Variants in HS3ST3A1 observed in about 807,000 individuals in gnomAD.
HS3ST3A1 encodes the protein heparan sulfate glucosamine 3-O-sulfotransferase 3A1.
Under a neutral mutation model 25.7 loss-of-function variants are expected in HS3ST3A1, and 19 were observed. That is an observed-to-expected ratio of 0.74 (90% confidence interval 0.52 to 1.08). The LOEUF (loss-of-function observed/expected upper bound fraction) is 1.08. Ranked by LOEUF, HS3ST3A1 falls within the 50% of genes least tolerant of loss-of-function variation. HS3ST3A1 has a pLI of 0.00. For missense variants in HS3ST3A1, 459 were observed against 594.3 expected, an observed-to-expected ratio of 0.77 and a Z score of 2.37; for synonymous variants, 226 against 278.6, an observed-to-expected ratio of 0.81 and a Z score of 1.88.
intron 1 of HS3ST3A1, among the ~76,000 whole-genome samples, chr17:13,549,314 A>T (rs1907179083): frequency 6.6e-6 from 1 of 152,124 alleles, no homozygotes; most frequent in Non-Finnish European, 1.5e-5. Flanking sequence ...CGAAGGAACA[A>T]ACTCTGGACA....
chr17:13,524,416 C>T (rs982691512), intron 1 of HS3ST3A1, among the ~76,000 whole-genome samples: 2 of 152,104 alleles, frequency 1.3e-5, no homozygotes, highest in African/African-American at 4.8e-5. Flanking sequence ...CACTACCACA[C>T]CCGGCTAATT....
chr17:13,497,693 T>C (rs1905329263), intron 1 of HS3ST3A1, among the ~76,000 whole-genome samples: 1 of 152,252 alleles, frequency 6.6e-6, no homozygotes, highest in Non-Finnish European at 1.5e-5. Flanking sequence ...ATCTATTTGT[T>C]CTTCCAACTT....
chr17:13,574,467 C>G (rs1228632088), intron 1 of HS3ST3A1, among the ~76,000 whole-genome samples: 1 of 151,242 alleles, frequency 6.6e-6, no homozygotes, highest in African/African-American at 2.4e-5. Flanking sequence ...ACCTGTAATC[C>G]CAGCACTTTG....
At chr17:13,529,232 A>G (rs907957449) in intron 1 of HS3ST3A1, among the ~76,000 whole-genome samples, 77 of 152,334 alleles carry the variant, frequency 5.1e-4, no homozygotes, top group African/African-American at 1.7e-3. Context: ...AGTTAAATCA[A>G]TCATATCATA....
intron 1 of HS3ST3A1, among the ~76,000 whole-genome samples, chr17:13,527,557 C>T (rs1012926942): frequency 6.6e-6 from 1 of 152,096 alleles, no homozygotes; most frequent in South Asian, 2.1e-4. Flanking sequence ...GTGAAGCCCC[C>T]CTGCTCCCCA....
At chr17:13,535,021 C>A (rs527684722) in intron 1 of HS3ST3A1, among the ~76,000 whole-genome samples, 2 of 117,424 alleles carry the variant, frequency 1.7e-5, no homozygotes, top group Non-Finnish European at 3.3e-5. Context: ...AGCAAAACTC[C>A]ATCTCAAAAA....
chr17:13,501,712 G>A (rs558028230), intron 1 of HS3ST3A1, among the ~76,000 whole-genome samples: 40 of 152,244 alleles, frequency 2.6e-4, no homozygotes, highest in Admixed American at 2.4e-3. Context: ...TGTCAACATG[G>A]CCATTATTAC....
intron 1 of HS3ST3A1, among the ~76,000 whole-genome samples, chr17:13,509,657 A>C (rs1181778327): frequency 6.6e-6 from 1 of 152,176 alleles, no homozygotes; most frequent in Non-Finnish European, 1.5e-5. Flanking sequence ...GAAGAAAAAA[A>C]GAGAAGAATC....
intron 1 of HS3ST3A1, among the ~76,000 whole-genome samples, chr17:13,587,759 T>C (rs1908315361): frequency 6.6e-6 from 1 of 151,916 alleles, no homozygotes; most frequent in African/African-American, 2.4e-5. Flanking sequence ...ACTACTTTGA[T>C]TGGTGTTTAT....
intron 1 of HS3ST3A1, among the ~76,000 whole-genome samples, chr17:13,590,908 G>A (rs1041204565): frequency 2.8e-5 from 3 of 108,350 alleles, no homozygotes; most frequent in African/African-American, 7.2e-5. Flanking sequence ...GCACTGGATT[G>A]GGGGGGGATC....
intron 1 of HS3ST3A1, among the ~76,000 whole-genome samples, chr17:13,597,145 A>G (rs1039525444): frequency 2.6e-5 from 4 of 152,166 alleles, no homozygotes; most frequent in African/African-American, 9.7e-5. Context: ...TGGATAATAA[A>G]TATTTCCTAT....
chr17:13,532,529 G>A (rs1340844706), intron 1 of HS3ST3A1, among the ~76,000 whole-genome samples: 1 of 152,066 alleles, frequency 6.6e-6, no homozygotes, highest in East Asian at 1.9e-4. Flanking sequence ...GCAATATCGT[G>A]AGGAAATGAG....
intron 1 of HS3ST3A1, among the ~76,000 whole-genome samples, chr17:13,573,729 T>A (rs1598430159): frequency 6.6e-6 from 1 of 152,236 alleles, no homozygotes; most frequent in East Asian, 1.9e-4. Flanking sequence ...CTCCCCCAAA[T>A]TCATATGTTG....
intron 1 of HS3ST3A1, among the ~76,000 whole-genome samples, chr17:13,552,077 A>AT (rs11424342): frequency 0.44 from 66,823 of 151,732 alleles, 15,023 homozygotes; most frequent in Middle Eastern, 0.52. Context: ...TGAACACTTT[A>AT]TTTTTTTATT....
At chr17:13,563,266 A>T (rs1026571460) in intron 1 of HS3ST3A1, among the ~76,000 whole-genome samples, 3 of 151,988 alleles carry the variant, frequency 2.0e-5, no homozygotes, top group African/African-American at 7.2e-5. Flanking sequence ...CAGGGTATGG[A>T]AAGAAACTGA....
At chr17:13,583,797 G>C (rs9674441) in intron 1 of HS3ST3A1, among the ~76,000 whole-genome samples, 70,471 of 151,792 alleles carry the variant, frequency 0.46, 17,161 homozygotes, top group East Asian at 0.67. Flanking sequence ...GAGTTGGAGA[G>C]AAATATTCGC....
chr17:13,600,577 G>A lies in HS3ST3A1; in HGVS notation c.553C>T (p.Pro185Ser). ...TCGTAGCTGCGGTCGAAGAAGTGGGGCTCGGCGCCCACGGCGCGCACGTCG... is the reference window on the plus strand; with the variant it reads ...TCGTAGCTGCGGTCGAAGAAGTGGGACTCGGCGCCCACGGCGCGCACGTCG... The part of the protein sequence containing the change: ...HPDVRAVGAE[P>S]HFFDRSYDKG... The change falls in exon 1 of 2, where the codon CCC (proline) becomes TCC (serine). Residue 185 changes from proline (P) to serine (S), a missense_variant. Pro to Ser is a moderately conservative substitution (Grantham distance 74, BLOSUM62 -1). This residue lies in a region of HS3ST3A1 where 346 missense variants were observed against 303.9 expected (regional missense o/e 1.14). Coordinates refer to ENST00000284110, the MANE Select transcript of HS3ST3A1 (RefSeq NM_006042.3). The A allele has an allele frequency of 1.9e-6, 3 of 1,601,970 alleles. No homozygotes were observed. The highest frequency in any genetic ancestry group is 8.5e-7 in the Non-Finnish European group (1 of 1,178,506).
chr17:13,590,915 G>T (rs1487606708), intron 1 of HS3ST3A1, among the ~76,000 whole-genome samples: 1 of 151,342 alleles, frequency 6.6e-6, no homozygotes, highest in Admixed American at 6.6e-5. Context: ...ATTGGGGGGG[G>T]ATCCCTACAG....
At chr17:13,589,871 T>C (rs1908374931) in intron 1 of HS3ST3A1, among the ~76,000 whole-genome samples, 1 of 152,206 alleles carries the variant, frequency 6.6e-6, no homozygotes, top group Admixed American at 6.5e-5. Context: ...CAGTTCCCTT[T>C]TGTTAAATAC....
Sources: allele counts gnomAD v4.1 joint callset (sites outside exome capture counted in the v4.1 genomes callset), GRCh38; gene constraint gnomAD v4.1.1; regional missense constraint gnomAD v4.1.1; transcripts MANE v1.5; gene names NCBI Gene and HGNC (gene_info 2026-07-23, HGNC 2026-07-21).